The following KIF3C variants were observed in gnomAD, a reference collection of about 807,000 sequenced individuals.
KIF3C encodes kinesin family member 3C.
A neutral mutation model predicts 67.7 loss-of-function variants in KIF3C; 12 were observed. That is an observed-to-expected ratio of 0.18 (90% CI 0.11 to 0.29). KIF3C has a LOEUF of 0.29. KIF3C is among the 10% of genes least tolerant of loss of function. The pLI is 1.00. For synonymous variants in KIF3C, 393 were observed against 426.2 expected (o/e 0.92, Z 0.96); for missense variants, 789 against 1,059.6 (o/e 0.74, Z 3.55).
intron 1 of KIF3C, among the ~76,000 whole-genome samples, chr2:25,978,339 T>C (rs1326261041): frequency 6.6e-6 from 1 of 152,130 alleles, no homozygotes; most frequent in East Asian, 1.9e-4. Flanking sequence ...GATTAAGATG[T>C]CAACGCCTTA....
intron 5 of KIF3C, among the ~76,000 whole-genome samples, chr2:25,937,955 T>G (rs1051172705): frequency 6.6e-6 from 1 of 151,720 alleles, no homozygotes; most frequent in African/African-American, 2.4e-5. Context: ...TTCAGGATGC[T>G]GAGGTGAGAG....
chr2:25,961,738 T>C (rs1454985764), intron 1 of KIF3C, among the ~76,000 whole-genome samples: 1 of 152,170 alleles, frequency 6.6e-6, no homozygotes, highest in East Asian at 1.9e-4. Context: ...GAGTACTGTG[T>C]GTAGTTCTCT....
At chr2:25,942,632 A>G (rs1663322263) in intron 5 of KIF3C, among the ~76,000 whole-genome samples, 1 of 151,910 alleles carries the variant, frequency 6.6e-6, no homozygotes, top group South Asian at 2.1e-4. Flanking sequence ...CTGGTCTCGA[A>G]CTCCCGACCT....
chr2:25,981,978 T>G lies in KIF3C; in HGVS notation c.-61A>C, dbSNP rs1197745676. On this transcript the variant is annotated 5_prime_UTR_variant, in exon 1 of 8. Transcript: ENST00000264712. This position sits in a 1 kb window ranked among gnomAD's most constrained non-coding sequence, Gnocchi z 8.2. ...CGCAGCCTGGGCGGTCCTGCTATCC[T>G]GCTCGCTAGGTCGGGATCAGCGGGG... is the stretch of plus-strand genomic sequence containing the variant. The G allele has an allele frequency of 7.3e-7, 1 of 1,375,380 alleles. No individual in the cohort carries two copies. Among genetic ancestry groups the G allele is most frequent in the Non-Finnish European group, 9.7e-7 (1 of 1,027,116 alleles). 85.2% of individuals were successfully genotyped at this position (1,375,380 alleles called of 1,614,324 possible).
At position 25,955,161 on chromosome 2, in the gene KIF3C, G is replaced by A. The variant is rs1305266778; in HGVS notation, c.1770+380C>T. On this transcript the variant is annotated intron_variant, in intron 3 of 7. Coordinates refer to ENST00000264712, the MANE Select transcript of KIF3C (RefSeq NM_002254.8). This position sits in a 1 kb window ranked among gnomAD's most constrained non-coding sequence, Gnocchi z 5.0. ...TGAGGGCCTTACACTCCCCACCTGA[G>A]CTTCCCGGGGTTCCAGTCTCCTCCT... 6.6e-6 allele frequency among the ~76,000 whole-genome samples: 1 copy of A among 152,094 alleles called. No homozygotes were observed. The highest frequency in any genetic ancestry group is 2.4e-5 in the African/African-American group (1 of 41,412).
At chr2:25,945,145 AT>A (rs1344062581) in intron 5 of KIF3C, among the ~76,000 whole-genome samples, 1 of 151,468 alleles carries the variant, frequency 6.6e-6, no homozygotes, top group African/African-American at 2.4e-5. Context: ...AAAAAAAAAA[AT>A]TTAAGGGAAC....
chr2:25,954,109 C>G, intron 4 of KIF3C, 158 bp downstream of exon 4: 1 of 671,622 alleles, frequency 1.5e-6, no homozygotes, highest in South Asian at 1.7e-5. Context: ...GTAGAAGAAA[C>G]TCCAGCACGT....
At chr2:25,979,920 G>A (rs552988819) in intron 1 of KIF3C, among the ~76,000 whole-genome samples, 22 of 152,274 alleles carry the variant, frequency 1.4e-4, no homozygotes, top group African/African-American at 5.3e-4. Context: ...ATATATATGG[G>A]GCATTTTTTG....
At chr2:25,941,116 T>TGA (rs78449176) in intron 5 of KIF3C, among the ~76,000 whole-genome samples, 36,130 of 151,858 alleles carry the variant, frequency 0.24, 5,513 homozygotes, top group Non-Finnish European at 0.35. Flanking sequence ...GGCAACATAG[T>TGA]GAGACCCCCG....
intron 5 of KIF3C, among the ~76,000 whole-genome samples, chr2:25,936,859 G>C (rs1288264202): frequency 1.3e-5 from 2 of 152,086 alleles, no homozygotes; most frequent in African/African-American, 4.8e-5. Context: ...ACAGAAAAAA[G>C]AAAGGAAAGA....
chr2:25,951,162 G>T (rs1663600731), intron 5 of KIF3C, among the ~76,000 whole-genome samples: 1 of 152,086 alleles, frequency 6.6e-6, no homozygotes, highest in African/African-American at 2.4e-5. Flanking sequence ...GCCTCACTCT[G>T]TTGGGATGTT....
In KIF3C at chr2:25,982,340, G is replaced by A. The variant is rs1574502384; in HGVS notation, c.-423C>T. ...CTAGGGATCCATAGCGTGGGCTGCC[G>A]GTCGTGGGCGGCCGGGGGTCCCGGG... On this transcript the variant is annotated 5_prime_UTR_variant, in exon 1 of 8. Coordinates refer to ENST00000264712, the MANE Select transcript of KIF3C (RefSeq NM_002254.8). The A allele has an allele frequency of 7.5e-6, 3 of 399,050 alleles. No homozygotes were observed. The highest frequency in any genetic ancestry group is 6.2e-5 in the African/African-American group (3 of 48,750). 24.7% of individuals were successfully genotyped at this position (399,050 alleles called of 1,614,324 possible). A position where few individuals can be genotyped will look rare whatever the true frequency, so the allele number is the denominator to read the frequency against.
chr2:25,972,286 T>A (rs1446667512), intron 1 of KIF3C, among the ~76,000 whole-genome samples: 6 of 152,118 alleles, frequency 3.9e-5, no homozygotes, highest in African/African-American at 1.4e-4. Flanking sequence ...ACGAGAAACC[T>A]AACACTGGAC....
At chr2:25,929,565 G>A (rs1305473811) in intron 6 of KIF3C, 88 bp from the exon 7 acceptor site, 1 of 1,159,802 alleles carries the variant, frequency 8.6e-7, no homozygotes, top group African/African-American at 1.5e-5. Context: ...TAGCAGGGCT[G>A]ATGAGGTGGT....
At chr2:25,944,039 ATTTC>A (rs1051346276) in intron 5 of KIF3C, among the ~76,000 whole-genome samples, 72 of 151,746 alleles carry the variant, frequency 4.7e-4, no homozygotes, top group Admixed American at 3.6e-3. Flanking sequence ...ATTACCTGAT[ATTTC>A]TTTCTTTCTT....
At chr2:25,948,162 C>G (rs1663495568) in intron 5 of KIF3C, among the ~76,000 whole-genome samples, 1 of 152,062 alleles carries the variant, frequency 6.6e-6, no homozygotes, top group Admixed American at 6.6e-5. Flanking sequence ...GTCAAGGCTG[C>G]AGTGAGCTGT....
At position 25,955,453 on chromosome 2, in the gene KIF3C, T is replaced by A; in HGVS notation, c.1770+88A>T. 6.7e-7 allele frequency: 1 copy of A among 1,492,718 alleles called. No individual in the cohort carries two copies. Among genetic ancestry groups the A allele is most frequent in the Non-Finnish European group, 9.1e-7 (1 of 1,093,660 alleles). The allele number at this position is 1,492,718 out of a possible 1,614,324, so 92.5% of individuals were successfully genotyped here. Reference sequence around the variant, plus strand: ...CAGGGGTTCAGCAGTTCCAGCCAAATGGGGAGGAGTCCCTGAAGCACACAT... The same window carrying A: ...CAGGGGTTCAGCAGTTCCAGCCAAAAGGGGAGGAGTCCCTGAAGCACACAT... On this transcript the variant is annotated intron_variant, in intron 3 of 7. Coordinates refer to ENST00000264712, the MANE Select transcript of KIF3C (RefSeq NM_002254.8). The surrounding 1 kb of genome is among the most constrained non-coding windows in gnomAD (Gnocchi z 5.0).
chr2:25,968,964 C>T (rs968493163), intron 1 of KIF3C, among the ~76,000 whole-genome samples: 78 of 152,280 alleles, frequency 5.1e-4, no homozygotes, highest in African/African-American at 1.8e-3. Flanking sequence ...GCTAGAATTA[C>T]AGGCGTGTGC....
chr2:25,945,258 G>A (rs1046173505), intron 5 of KIF3C, among the ~76,000 whole-genome samples: 1 of 152,192 alleles, frequency 6.6e-6, no homozygotes, highest in African/African-American at 2.4e-5. Context: ...CATAATGAGT[G>A]TGTGTTAGGA....
Sources: allele counts gnomAD v4.1 joint callset (sites outside exome capture counted in the v4.1 genomes callset), GRCh38; gene constraint gnomAD v4.1.1; non-coding constraint Gnocchi (gnomAD v3.1); transcripts MANE v1.5; gene names NCBI Gene and HGNC (gene_info 2026-07-23, HGNC 2026-07-21).